Variants in ETV7 observed in about 807,000 individuals in gnomAD.
ETV7 encodes the protein ETS variant transcription factor 7.
ETV7 carries 43 observed loss-of-function variants against 39.1 expected under a neutral mutation model. The observed-to-expected ratio is 1.10, with a 90% CI of 0.86 to 1.42. The LOEUF (loss-of-function observed/expected upper bound fraction) is 1.42. Among genes scored for constraint, ETV7 ranks in the 40% most tolerant of loss-of-function variants. The pLI is 0.00. For missense variants in ETV7, 432 were observed against 442.3 expected (o/e 0.98, Z 0.21); for synonymous variants, 196 against 176.6 (o/e 1.11, Z -0.87).
intron 7 of ETV7, among the ~76,000 whole-genome samples, chr6:36,355,785 G>A (rs2127379203): frequency 1.3e-5 from 2 of 152,298 alleles, no homozygotes; most frequent in Middle Eastern, 3.4e-3. Context: ...AATCCCTGTA[G>A]GAGGAGATGG....
exon 8 of ETV7, chr6:36,354,560 G>T (rs1772289901): frequency 4.4e-6 from 3 of 674,770 alleles, no homozygotes; most frequent in South Asian, 3.2e-5. Flanking sequence ...GAGTACTATA[G>T]CTTTGTAGCA....
intron 2 of ETV7, 103 bp from the exon 3 acceptor site, chr6:36,376,138 C>T (rs1187195107): frequency 7.7e-6 from 8 of 1,032,728 alleles, no homozygotes; most frequent in Admixed American, 2.8e-5. Context: ...TCCTGGCCCC[C>T]AACCCCCATC....
rs771363096 is a variant in ETV7 at position 36,385,516 on chromosome 6, C to A, written c.142+18G>T. 6.2e-7 allele frequency: 1 copy of A among 1,614,172 alleles called. No homozygotes were observed. The highest frequency in any genetic ancestry group is 8.5e-7 in the Non-Finnish European group (1 of 1,180,016). ...ATTTACTTTTAAAAACTCAGCTTTT[C>A]TCCTCCCCTCTACTTACGGAGTCTT... On this transcript the variant is annotated intron_variant, in intron 2 of 7. Coordinates refer to ENST00000340181, the MANE Select transcript of ETV7 (RefSeq NM_016135.4).
chr6:36,368,803 A>C, intron 6 of ETV7, 126 bp downstream of exon 6: 1 of 1,254,796 alleles, frequency 8.0e-7, no homozygotes, highest in East Asian at 2.3e-5. Context: ...TTATCCTGTC[A>C]CTTTTGGGGC....
At chr6:36,362,960 G>A (rs1284394833), downstream of ETV7, among the ~76,000 whole-genome samples, 3 of 152,342 alleles carry the variant, frequency 2.0e-5, no homozygotes, top group East Asian at 3.9e-4. Context: ...ACAATGCTGA[G>A]AAGAGGAAAT....
At chr6:36,364,500 T>C (rs929401136), downstream of ETV7, among the ~76,000 whole-genome samples, 13 of 152,202 alleles carry the variant, frequency 8.5e-5, no homozygotes, top group African/African-American at 2.9e-4. Context: ...TGCCCGGGGC[T>C]GGCAGGGCCG....
intron 7 of ETV7, among the ~76,000 whole-genome samples, chr6:36,356,425 T>G (rs542618533): frequency 6.6e-6 from 1 of 151,178 alleles, no homozygotes; most frequent in African/African-American, 2.4e-5. Flanking sequence ...TGAAGAAAGA[T>G]CTGCAGGGAT....
At position 36,385,588 on chromosome 6, in the gene ETV7, C is replaced by G; in HGVS notation, c.88G>C (p.Ala30Pro). The G allele has an allele frequency of 6.2e-7, 1 of 1,614,258 alleles. No individual in the cohort carries two copies. The highest frequency in any genetic ancestry group is 1.1e-5 in the South Asian group (1 of 91,088). The change falls in exon 2 of 8, where the codon GCT (alanine) becomes CCT (proline). Residue 30 changes from alanine (A) to proline (P), a missense_variant. Transcript: ENST00000340181. The part of the protein sequence containing the change: ...LGTHVQARCE[A>P]QINLLGEGGI... ...CCTTCACCCAGCAGGTTAATTTGAGCTTCACATCTGGCTTGCACGTGGGTG... is the reference window on the plus strand; with the variant it reads ...CCTTCACCCAGCAGGTTAATTTGAGGTTCACATCTGGCTTGCACGTGGGTG...
downstream of ETV7, among the ~76,000 whole-genome samples, chr6:36,363,118 G>C (rs759719919): frequency 6.6e-6 from 1 of 152,230 alleles, no homozygotes; most frequent in Non-Finnish European, 1.5e-5. Context: ...TGCAGCTCTG[G>C]GGTGAGGAGG....
At chr6:36,362,027 G>A (rs540914215), downstream of ETV7, among the ~76,000 whole-genome samples, 22 of 152,286 alleles carry the variant, frequency 1.4e-4, no homozygotes, top group Admixed American at 3.9e-4. Flanking sequence ...GGCCGGGCGC[G>A]GTGGCTCACA....
chr6:36,363,534 CTAAGCGTTACAGCTAA>C (rs1772602131), downstream of ETV7, among the ~76,000 whole-genome samples: 2 of 152,336 alleles, frequency 1.3e-5, no homozygotes, highest in South Asian at 4.1e-4. Context: ...GATCTTCGCA[CTAAGCGTTACAGCTAA>C]TAAAAGCAGC....
At chr6:36,376,192 A>G (rs1433117113) in intron 2 of ETV7, among the ~76,000 whole-genome samples, 157 bp from the exon 3 acceptor site, 1 of 152,140 alleles carries the variant, frequency 6.6e-6, no homozygotes, top group Non-Finnish European at 1.5e-5. Flanking sequence ...CTAGCATGTT[A>G]CGTTCTTTGT....
chr6:36,364,642 C>T (rs191874372), downstream of ETV7, among the ~76,000 whole-genome samples: 2 of 152,372 alleles, frequency 1.3e-5, no homozygotes, highest in East Asian at 1.9e-4. Flanking sequence ...GCTGAGGGAG[C>T]CGGCTCTGGC....
At chr6:36,364,293 C>G (rs1340035162), downstream of ETV7, among the ~76,000 whole-genome samples, 1 of 152,214 alleles carries the variant, frequency 6.6e-6, no homozygotes, top group Admixed American at 6.5e-5. Context: ...TGGCGCTCGT[C>G]GGGGAGGCTC....
At chr6:36,365,495 G>A (rs2127385061), downstream of ETV7, among the ~76,000 whole-genome samples, 1 of 152,342 alleles carries the variant, frequency 6.6e-6, no homozygotes, top group Middle Eastern at 3.4e-3. Context: ...TGAGGCCCCA[G>A]AGAGGCGGAA....
At chr6:36,367,842 A>T (rs976872036) in intron 6 of ETV7, among the ~76,000 whole-genome samples, 3 of 152,152 alleles carry the variant, frequency 2.0e-5, no homozygotes, top group Non-Finnish European at 2.9e-5. Context: ...CCCCAGCTAC[A>T]TAATGAAAAG....
downstream of ETV7, among the ~76,000 whole-genome samples, chr6:36,362,405 G>A (rs1381242115): frequency 6.6e-6 from 1 of 152,180 alleles, no homozygotes; most frequent in Admixed American, 6.5e-5. Context: ...AGAGGTTGCA[G>A]TGAGCTGAGA....
rs1582203824 is a variant in ETV7 at position 36,375,933 on chromosome 6, A to T, written c.245T>A (p.Met82Lys). The T allele has an allele frequency of 3.1e-6, 5 of 1,614,004 alleles. No individual in the cohort carries two copies. In the East Asian group the frequency reaches 8.9e-5, roughly 29 times the overall value. The change falls in exon 3 of 8, where the codon ATG (methionine) becomes AAG (lysine). Residue 82 changes from methionine (M) to lysine (K), a missense_variant. By Grantham distance (95) the Met-to-Lys change is moderately conservative. Coordinates refer to ENST00000340181, the MANE Select transcript of ETV7 (RefSeq NM_016135.4). ...GAGGATGCAGAGGGCGCGTCCGTTCATCTCGAACCCGTGCTCCGCGGTGCA... is the reference window on the plus strand; with the variant it reads ...GAGGATGCAGAGGGCGCGTCCGTTCTTCTCGAACCCGTGCTCCGCGGTGCA... ...LPCTAEHGFEMNGRALCILTK... is the reference protein window; with the variant it reads ...LPCTAEHGFEKNGRALCILTK...
chr6:36,375,735 A>T lies in ETV7; in HGVS notation c.307+136T>A, dbSNP rs77326712. The T allele has an allele frequency of 4.6e-4, 627 of 1,361,594 alleles. 5 individuals are homozygous for T. The East Asian group carries it at 0.014, about 29-fold the overall frequency. The allele number at this position is 1,361,594 out of a possible 1,614,324, so 84.3% of individuals were successfully genotyped here. ...CAGATACACACGTATGCAGAGGGGC[A>T]TCTGCAGTGCTGGAAATGAGCATGA... On this transcript the variant is annotated intron_variant, in intron 3 of 7. Coordinates refer to ENST00000340181, the MANE Select transcript of ETV7 (RefSeq NM_016135.4).
Sources: gnomAD v4.1 joint callset for allele counts (sites outside exome capture counted in the v4.1 genomes callset) on GRCh38, gnomAD v4.1.1 for gene constraint, MANE v1.5 for transcripts, NCBI Gene and HGNC (gene_info 2026-07-23, HGNC 2026-07-21) for gene names.